The following OPCML variants were observed in gnomAD, a reference collection of about 807,000 sequenced individuals.
The protein encoded by OPCML is opioid binding protein/cell adhesion molecule like.
OPCML carries 13 observed loss-of-function variants against 37.8 expected under a neutral mutation model. The observed-to-expected ratio is 0.34, with a 90% CI of 0.22 to 0.55. The LOEUF (loss-of-function observed/expected upper bound fraction) is 0.55. Among genes scored for constraint, OPCML ranks in the 20% least tolerant of loss-of-function variants. The pLI is 0.91. For missense variants in OPCML, 341 were observed against 435.6 expected (o/e 0.78, Z 1.93); for synonymous variants, 176 against 168.8 (o/e 1.04, Z -0.33).
At position 132,693,916 on chromosome 11, in the gene OPCML, T is replaced by A. The variant is rs183467937; in HGVS notation, c.147-36597A>T. Among the ~76,000 whole-genome samples the A allele has an allele frequency of 4.1e-3, 630 of 152,258 alleles. 2 individuals carry two copies. Among genetic ancestry groups the A allele is most frequent in the African/African-American group, 0.014 (581 of 41,554 alleles). Reference sequence around the variant, plus strand: ...GGTTTCAGTATGAAAATAGGAGTTATGTGACCCAGTAATAAGAATCTTAAA... The same window carrying A: ...GGTTTCAGTATGAAAATAGGAGTTAAGTGACCCAGTAATAAGAATCTTAAA... On this transcript the variant is annotated intron_variant, in intron 2 of 7. Transcript: ENST00000524381.
chr11:132,476,809 G>GTGCACA (rs1248922162), intron 4 of OPCML, among the ~76,000 whole-genome samples: 1 of 151,452 alleles, frequency 6.6e-6, no homozygotes, highest in Non-Finnish European at 1.5e-5. Context: ...CCTGCATGTT[G>GTGCACA]TGCACATGTA....
At chr11:133,375,636 A>G (rs1188343455) in intron 1 of OPCML, among the ~76,000 whole-genome samples, 1 of 151,926 alleles carries the variant, frequency 6.6e-6, no homozygotes, top group Non-Finnish European at 1.5e-5. Flanking sequence ...TGCCTACTAT[A>G]CTCTGCCTTC....
At chr11:133,003,956 C>A (rs993434250) in intron 1 of OPCML, 1 of 985,300 alleles carries the variant, frequency 1.0e-6, no homozygotes, top group African/African-American at 1.7e-5. Flanking sequence ...GCACACTGTC[C>A]CGTGGGCAGC....
intron 1 of OPCML, among the ~76,000 whole-genome samples, chr11:133,508,305 C>T (rs1258885074): frequency 6.6e-6 from 1 of 152,172 alleles, no homozygotes; most frequent in Non-Finnish European, 1.5e-5. Context: ...GGGTGCAGCC[C>T]AGGATTCTTC....
chr11:132,728,422 T>C (rs1001599724), intron 2 of OPCML, among the ~76,000 whole-genome samples: 6 of 152,042 alleles, frequency 3.9e-5, no homozygotes, highest in African/African-American at 1.4e-4. Flanking sequence ...AGACAAAAGA[T>C]GATGGAGCTA....
At chr11:132,716,390 TTATCTATCTATC>T (rs748328106) in intron 2 of OPCML, among the ~76,000 whole-genome samples, 2 of 149,522 alleles carry the variant, frequency 1.3e-5, no homozygotes, top group African/African-American at 4.9e-5. Context: ...ATCTGTCTAT[TTATCTATCTATC>T]TATCTGTCTG....
intron 1 of OPCML, among the ~76,000 whole-genome samples, chr11:133,049,299 T>C (rs746297480): frequency 3.3e-5 from 5 of 152,196 alleles, no homozygotes; most frequent in Non-Finnish European, 5.9e-5. Flanking sequence ...GAAGACTCAG[T>C]GGCAACTGGA....
chr11:133,206,623 C>T lies in OPCML; in HGVS notation c.62-263613G>A, dbSNP rs1336509615. ...TATAGGCTGTTCCAAAAACCAAGCA[C>T]CCAATGTCACCCTGAGAGATCACTA... On this transcript the variant is annotated intron_variant, in intron 1 of 7. Coordinates refer to ENST00000524381, the MANE Select transcript of OPCML (RefSeq NM_001012393.5). The surrounding 1 kb of genome is among the most constrained non-coding windows in gnomAD (Gnocchi z 4.7). Among the ~76,000 whole-genome samples, 1 of 152,128 alleles carries T rather than the reference C, an allele frequency of 6.6e-6. No homozygotes were observed. Among genetic ancestry groups the T allele is most frequent in the Non-Finnish European group, 1.5e-5 (1 of 68,018 alleles).
chr11:133,255,923 T>C (rs1214105053), intron 1 of OPCML, among the ~76,000 whole-genome samples: 1 of 152,386 alleles, frequency 6.6e-6, no homozygotes, highest in East Asian at 1.9e-4. Context: ...TCCAAGTTTC[T>C]GGTATAATTT....
intron 1 of OPCML, among the ~76,000 whole-genome samples, chr11:132,950,710 G>T (rs1945839430): frequency 6.6e-6 from 1 of 152,178 alleles, no homozygotes; most frequent in South Asian, 2.1e-4. Context: ...CCTCAATCTG[G>T]ATCTAGAGGC....
intron 1 of OPCML, among the ~76,000 whole-genome samples, chr11:133,178,220 A>G (rs1376349042): frequency 1.3e-5 from 2 of 152,100 alleles, no homozygotes; most frequent in Non-Finnish European, 2.9e-5. Context: ...AAGAGGTGTT[A>G]GAAACTGATT....
chr11:132,870,850 C>T (rs1942767801), intron 2 of OPCML, among the ~76,000 whole-genome samples: 2 of 152,104 alleles, frequency 1.3e-5, no homozygotes, highest in African/African-American at 4.8e-5. Flanking sequence ...AAAAGCTGAA[C>T]ACACAAAAGT....
chr11:132,590,690 T>C (rs891218334), intron 3 of OPCML, among the ~76,000 whole-genome samples: 1 of 152,144 alleles, frequency 6.6e-6, no homozygotes, highest in African/African-American at 2.4e-5. Context: ...ACCATGACTC[T>C]ACATGAATTA....
At chr11:132,858,805 C>T (rs79287580) in intron 2 of OPCML, among the ~76,000 whole-genome samples, 10 of 152,266 alleles carry the variant, frequency 6.6e-5, no homozygotes, top group African/African-American at 9.6e-5. Flanking sequence ...AAAGTACGTT[C>T]GCAAACCTAA....
intron 1 of OPCML, among the ~76,000 whole-genome samples, chr11:133,163,055 CTT>C (rs1343569014): frequency 6.6e-6 from 1 of 152,188 alleles, no homozygotes; most frequent in Non-Finnish European, 1.5e-5. Flanking sequence ...TGTCTGAAAA[CTT>C]TTTAGAAATC....
chr11:132,487,895 T>C (rs1288013468), intron 4 of OPCML, among the ~76,000 whole-genome samples: 1 of 152,262 alleles, frequency 6.6e-6, no homozygotes, highest in Non-Finnish European at 1.5e-5. Flanking sequence ...ATTTGATTAC[T>C]TCTATGCCTT....
At chr11:132,860,911 A>G (rs577567615) in intron 2 of OPCML, 1 of 152,336 alleles carries the variant, frequency 6.6e-6, no homozygotes, top group East Asian at 1.9e-4. Flanking sequence ...GTAGTAGGCA[A>G]AATTTTGTTT....
At chr11:133,388,672 G>C (rs1157214400) in intron 1 of OPCML, among the ~76,000 whole-genome samples, 1 of 152,196 alleles carries the variant, frequency 6.6e-6, no homozygotes, top group African/African-American at 2.4e-5. Flanking sequence ...GAAATGCTCT[G>C]CTCTGCATGG....
At chr11:133,517,339 T>A (rs1406331331) in intron 1 of OPCML, among the ~76,000 whole-genome samples, 1 of 152,270 alleles carries the variant, frequency 6.6e-6, no homozygotes, top group Non-Finnish European at 1.5e-5. Flanking sequence ...ATATATTGCA[T>A]GTGCATGCCT....
Sources: allele counts gnomAD v4.1 joint callset (sites outside exome capture counted in the v4.1 genomes callset), GRCh38; gene constraint gnomAD v4.1.1; non-coding constraint Gnocchi (gnomAD v3.1); transcripts MANE v1.5; gene names NCBI Gene and HGNC (gene_info 2026-07-23, HGNC 2026-07-21).